The following ACER2 variants were observed in gnomAD, a reference collection of about 807,000 sequenced individuals.
ACER2 encodes the protein alkCDase 2.
A neutral mutation model predicts 34.7 loss-of-function variants in ACER2; 26 were observed. The ratio of observed to expected loss-of-function variants is 0.75; its 90% CI spans 0.55 to 1.04. The LOEUF is 1.04. ACER2 is among the 50% of genes least tolerant of loss of function. ACER2 has a pLI of 0.00. For synonymous variants in ACER2, 138 were observed against 132.1 expected (o/e 1.04, Z -0.31); for missense variants, 352 against 340.8 (o/e 1.03, Z -0.26).
At position 19,423,977 on chromosome 9, in the gene ACER2, G is replaced by C; in HGVS notation, c.223+1G>C. ...ATCTGGACTCTTTTGGTTGTAGTGG[G>C]TAAGTGGAGTCATTTGGGAACACGG... On this transcript the variant is annotated splice_donor_variant, in intron 2 of 5. Transcript: ENST00000340967. LOFTEE classifies it high-confidence loss of function. The C allele has an allele frequency of 6.2e-7, 1 of 1,605,796 alleles. No individual in the cohort carries two copies. The highest frequency in any genetic ancestry group is 8.5e-7 in the Non-Finnish European group (1 of 1,172,436).
chr9:19,452,371 T>G lies in ACER2; in HGVS notation c.*1735T>G, dbSNP rs1422929121. Among the ~76,000 whole-genome samples, 1 of 152,206 alleles carries G rather than the reference T, an allele frequency of 6.6e-6. No individual in the cohort carries two copies. The highest frequency in any genetic ancestry group is 1.5e-5 in the Non-Finnish European group (1 of 68,034). On this transcript the variant is annotated 3_prime_UTR_variant, in exon 6 of 6. Coordinates refer to ENST00000340967, the MANE Select transcript of ACER2 (RefSeq NM_001010887.3). ...ACTGAATTTAGAGTTTAAAAATGAA[T>G]GACTTTATGCTACATCTGTGGTTAT... is the stretch of plus-strand genomic sequence containing the variant.
intron 1 of ACER2, among the ~76,000 whole-genome samples, chr9:19,413,792 C>T (rs1830159493): frequency 6.6e-6 from 1 of 152,052 alleles, no homozygotes; most frequent in Non-Finnish European, 1.5e-5. Flanking sequence ...TGCATAAAAT[C>T]AGCTCATGAT....
intron 3 of ACER2, among the ~76,000 whole-genome samples, chr9:19,433,742 C>A (rs1412216552): frequency 1.3e-5 from 2 of 150,536 alleles, no homozygotes; most frequent in African/African-American, 2.4e-5. Context: ...CGGGCAGAGG[C>A]ACCCCTCACC....
chr9:19,409,830 TTCTGAAG>T, intron 1 of ACER2: 1 of 985,406 alleles, frequency 1.0e-6, no homozygotes, highest in South Asian at 4.7e-5. Flanking sequence ...CTTTCTCCAG[TTCTGAAG>T]TCTGAGGGAT....
At chr9:19,436,142 C>G (rs967515858) in intron 4 of ACER2, among the ~76,000 whole-genome samples, 5 of 151,370 alleles carry the variant, frequency 3.3e-5, no homozygotes, top group African/African-American at 1.2e-4. Flanking sequence ...TTCTCAAACT[C>G]CTGGCCTCAA....
intron 3 of ACER2, among the ~76,000 whole-genome samples, chr9:19,431,600 C>T (rs1280404507): frequency 1.3e-5 from 2 of 152,190 alleles, no homozygotes; most frequent in Non-Finnish European, 2.9e-5. Context: ...GGGCCCTCAC[C>T]CTGAGGCTGG....
At chr9:19,448,351 A>G (rs1305421036) in intron 5 of ACER2, among the ~76,000 whole-genome samples, 1 of 152,162 alleles carries the variant, frequency 6.6e-6, no homozygotes, top group Non-Finnish European at 1.5e-5. Flanking sequence ...AATCTATACT[A>G]CATAGATCTA....
intron 5 of ACER2, chr9:19,450,082 G>T (rs1010657320): frequency 1.9e-6 from 1 of 522,060 alleles, no homozygotes; most frequent in Non-Finnish European, 2.5e-6. Flanking sequence ...GTAACCAGTT[G>T]TTAAAGTGAG....
intron 3 of ACER2, among the ~76,000 whole-genome samples, chr9:19,431,353 C>T (rs13283709): frequency 7.9e-5 from 12 of 152,300 alleles, no homozygotes; most frequent in African/African-American, 1.9e-4. Flanking sequence ...GAATGCATAT[C>T]GGTCTCACTG....
At chr9:19,444,248 G>C (rs1361604456) in intron 4 of ACER2, among the ~76,000 whole-genome samples, 1 of 137,730 alleles carries the variant, frequency 7.3e-6, no homozygotes, top group East Asian at 2.1e-4. Flanking sequence ...GTCTTGCTCT[G>C]TCCCCTGGGC....
intron 4 of ACER2, among the ~76,000 whole-genome samples, chr9:19,436,335 A>AT (rs977533115): frequency 1.3e-5 from 2 of 152,158 alleles, no homozygotes; most frequent in Admixed American, 1.3e-4. Flanking sequence ...AGTAGCTCAT[A>AT]TTTTTTTGTA....
chr9:19,420,864 T>G (rs1830384603), intron 1 of ACER2, among the ~76,000 whole-genome samples: 2 of 152,274 alleles, frequency 1.3e-5, no homozygotes, highest in Middle Eastern at 3.4e-3. Context: ...CTCAGACCTC[T>G]GTTAGAAGAG....
chr9:19,450,336 C>T lies in ACER2; in HGVS notation c.642-114C>T, dbSNP rs898351786. The T allele has an allele frequency of 3.6e-6, 5 of 1,374,888 alleles. No individual in the cohort carries two copies. In the African/African-American group the frequency reaches 5.7e-5, roughly 16 times the overall value. The allele number at this position is 1,374,888 out of a possible 1,614,324, so 85.2% of individuals were successfully genotyped here. A position where few individuals can be genotyped will look rare whatever the true frequency, so the allele number is the denominator to read the frequency against. On this transcript the variant is annotated intron_variant, in intron 5 of 5. Coordinates refer to ENST00000340967, the MANE Select transcript of ACER2 (RefSeq NM_001010887.3). ...TTCCTAATTAGAAGAGGCCCCTGGG[C>T]TGCAACTACAGTCAGCAAGGTGCGT...
chr9:19,446,143 ACTGTGTGTTGGGTAAGAACTT>A, intron 4 of ACER2, 117 bp from the exon 5 acceptor site: 1 of 1,189,572 alleles, frequency 8.4e-7, no homozygotes, highest in Non-Finnish European at 1.3e-6. Context: ...CTGTGGAGTG[ACTGTGTGTTGGGTAAGAACTT>A]CAGTGTCTTG....
intron 1 of ACER2, among the ~76,000 whole-genome samples, chr9:19,414,689 G>C (rs1349134065): frequency 1.3e-5 from 2 of 152,128 alleles, no homozygotes; most frequent in East Asian, 3.9e-4. Context: ...TGTGGTCCCA[G>C]TTACTCAGGA....
chr9:19,429,207 C>G (rs540192143), intron 3 of ACER2, among the ~76,000 whole-genome samples: 2 of 152,184 alleles, frequency 1.3e-5, no homozygotes, highest in African/African-American at 4.8e-5. Flanking sequence ...TTCATCTTGC[C>G]TAAAATGTCC....
intron 4 of ACER2, among the ~76,000 whole-genome samples, chr9:19,437,837 C>G (rs539327203): frequency 1.2e-4 from 18 of 152,304 alleles, no homozygotes; most frequent in African/African-American, 4.1e-4. Flanking sequence ...TGTAATTGCC[C>G]TCTTCCTAAA....
intron 4 of ACER2, among the ~76,000 whole-genome samples, chr9:19,437,180 C>G (rs1831004729): frequency 6.6e-6 from 1 of 152,230 alleles, no homozygotes; most frequent in African/African-American, 2.4e-5. Flanking sequence ...ATATTCCCAG[C>G]TATCTGCTGG....
At chr9:19,448,027 G>GTTTT (rs1831426627) in intron 5 of ACER2, among the ~76,000 whole-genome samples, 1 of 28,536 alleles carries the variant, frequency 3.5e-5, no homozygotes, top group African/African-American at 1.1e-4. Flanking sequence ...TTTTTTTTGA[G>GTTTT]ACAAAGTCTC....
Sources: gnomAD v4.1 joint callset for allele counts (sites outside exome capture counted in the v4.1 genomes callset) on GRCh38, gnomAD v4.1.1 for gene constraint, MANE v1.5 for transcripts, NCBI Gene and HGNC (gene_info 2026-07-23, HGNC 2026-07-21) for gene names.